The following MYO6 variants were observed in gnomAD, a reference collection of about 807,000 sequenced individuals.
MYO6 encodes myosin VI.
A neutral mutation model predicts 178.7 loss-of-function variants in MYO6; 74 were observed. The observed-to-expected ratio is 0.41, with a 90% CI of 0.34 to 0.50. MYO6 has a LOEUF of 0.50. Among genes scored for constraint, MYO6 ranks in the 20% least tolerant of loss-of-function variants. The probability of loss-of-function intolerance (pLI) is 0.09; values close to 1 mark genes in which losing one functional copy is unlikely to be tolerated. For missense variants in MYO6, 1,330 were observed against 1,547.4 expected (o/e 0.86, Z 2.36); for synonymous variants, 477 against 504.6 (o/e 0.95, Z 0.73).
intron 1 of MYO6, among the ~76,000 whole-genome samples, chr6:75,810,548 G>T (rs1770597624): frequency 6.6e-6 from 1 of 152,180 alleles, no homozygotes; most frequent in African/African-American, 2.4e-5. Context: ...CTCCCTTCCT[G>T]TCTTGGCTGG....
intron 1 of MYO6, among the ~76,000 whole-genome samples, chr6:75,760,419 C>G (rs1777840994): frequency 6.6e-6 from 1 of 152,070 alleles, no homozygotes; most frequent in African/African-American, 2.4e-5. Context: ...TATTTTCTTT[C>G]TTCTCTTGAG....
chr6:75,879,484 T>C lies in MYO6; in HGVS notation c.2078-336T>C, dbSNP rs1034819536. Among the ~76,000 whole-genome samples the C allele has an allele frequency of 4.0e-5, 6 of 150,648 alleles. No individual in the cohort carries two copies. In the East Asian group the frequency reaches 1.2e-3, roughly 29 times the overall value. On this transcript the variant is annotated intron_variant, in intron 20 of 34. Coordinates refer to ENST00000369977, the MANE Select transcript of MYO6 (RefSeq NM_004999.4). The stretch of plus-strand genomic sequence containing the variant: ...GTTGCCCAGGCTGGTCTTGAACTCC[T>C]AGGCTCAAGCAGTTTGCCTGGCGTG...
chr6:75,809,334 G>T (rs1258227646), intron 1 of MYO6, among the ~76,000 whole-genome samples: 2 of 152,192 alleles, frequency 1.3e-5, no homozygotes, highest in African/African-American at 4.8e-5. Flanking sequence ...TATTCATGGA[G>T]ACATCAAGGG....
intron 26 of MYO6, among the ~76,000 whole-genome samples, chr6:75,890,635 G>A (rs768917225): frequency 8.5e-5 from 13 of 152,146 alleles, no homozygotes; most frequent in South Asian, 2.1e-4. Flanking sequence ...GTGAGCCACC[G>A]TGCTCGGTTG....
At chr6:75,884,556 G>A (rs868545677) in intron 23 of MYO6, among the ~76,000 whole-genome samples, 4 of 152,194 alleles carry the variant, frequency 2.6e-5, no homozygotes, top group Non-Finnish European at 5.9e-5. Flanking sequence ...GATAGGAATT[G>A]CAGTAGAGAG....
intron 18 of MYO6, among the ~76,000 whole-genome samples, chr6:75,869,877 G>A (rs776659647): frequency 3.3e-5 from 5 of 152,110 alleles, no homozygotes; most frequent in Non-Finnish European, 7.4e-5. Flanking sequence ...ACTTTGGGAG[G>A]CTGAGGCGTG....
rs138723309 is a variant in MYO6, at chr6:75,913,689, G to A, written c.3440-374G>A. 9.9e-5 allele frequency among the ~76,000 whole-genome samples: 15 copies of A among 152,212 alleles called. 1 individual carries two copies. In the East Asian group the frequency reaches 2.7e-3, roughly 27 times the overall value. Reference sequence around the variant, plus strand: ...TGAATAAAAGTTACTGTACAAATTTGAACTCTTTACAGGAAGAATATAAAT... The same window carrying A: ...TGAATAAAAGTTACTGTACAAATTTAAACTCTTTACAGGAAGAATATAAAT... On this transcript the variant is annotated intron_variant, in intron 33 of 34. Transcript: ENST00000369977.
At chr6:75,898,145 A>G (rs1346072713) in intron 29 of MYO6, among the ~76,000 whole-genome samples, 1 of 152,224 alleles carries the variant, frequency 6.6e-6, no homozygotes, top group Non-Finnish European at 1.5e-5. Context: ...TACTGCAAAA[A>G]TGGAGAGACA....
At chr6:75,826,055 A>G (rs1772434471) in intron 3 of MYO6, among the ~76,000 whole-genome samples, 1 of 152,198 alleles carries the variant, frequency 6.6e-6, no homozygotes, top group Non-Finnish European at 1.5e-5. Context: ...TAATCCTAGG[A>G]CTGACTACTA....
In MYO6 at chr6:75,911,656, A is replaced by C; in HGVS notation, c.3413-16A>C. On this transcript the variant is annotated splice_polypyrimidine_tract_variant and intron_variant, in intron 32 of 34. Transcript: ENST00000369977. ...GCATTTTTATCTTTTCTTCAACATA[A>C]AATATTTGTTCACAGATTTTGCACC... 6.2e-7 allele frequency: 1 copy of C among 1,608,252 alleles called. No homozygotes were observed. Among genetic ancestry groups the C allele is most frequent in the Non-Finnish European group, 8.5e-7 (1 of 1,175,102 alleles).
intron 25 of MYO6, among the ~76,000 whole-genome samples, chr6:75,887,396 C>T (rs1778522061): frequency 6.6e-6 from 1 of 152,126 alleles, no homozygotes; most frequent in African/African-American, 2.4e-5. Context: ...GTAATCCCAG[C>T]ACTTTGGGAT....
At chr6:75,890,005 G>T (rs1223383093) in intron 25 of MYO6, 52 bp from the exon 26 acceptor site, 2 of 1,248,818 alleles carry the variant, frequency 1.6e-6, no homozygotes, top group Middle Eastern at 2.1e-4. Flanking sequence ...TCACATTGTT[G>T]TGCAACAGAA....
intron 7 of MYO6, among the ~76,000 whole-genome samples, 190 bp downstream of exon 7, chr6:75,836,146 A>C (rs80173195): frequency 6.6e-6 from 1 of 152,348 alleles, no homozygotes; most frequent in African/African-American, 2.4e-5. Context: ...TCATGAAAAC[A>C]CTAAGAAGGC....
chr6:75,858,684 T>G (rs1359551000), intron 13 of MYO6, among the ~76,000 whole-genome samples: 2 of 152,240 alleles, frequency 1.3e-5, no homozygotes, highest in Non-Finnish European at 2.9e-5. Flanking sequence ...GAGAAACACC[T>G]TATTTGTCAA....
chr6:75,843,068 A>G (rs1774395942), intron 9 of MYO6, among the ~76,000 whole-genome samples: 2 of 152,196 alleles, frequency 1.3e-5, no homozygotes. Context: ...TCTCATATGC[A>G]GGCACAACAC....
intron 1 of MYO6, among the ~76,000 whole-genome samples, chr6:75,750,346 C>T (rs1378239026): frequency 1.3e-5 from 2 of 152,012 alleles, no homozygotes; most frequent in East Asian, 1.9e-4. Context: ...CCATCCGCCT[C>T]GGTCTCCCAA....
At chr6:75,894,474 C>T (rs879842237) in intron 28 of MYO6, among the ~76,000 whole-genome samples, 3 of 152,168 alleles carry the variant, frequency 2.0e-5, no homozygotes, top group Non-Finnish European at 2.9e-5. Context: ...AGGAAGCTTT[C>T]CCTGACCCTC....
At chr6:75,904,601 G>C (rs1581977383) in intron 30 of MYO6, among the ~76,000 whole-genome samples, 1 of 152,086 alleles carries the variant, frequency 6.6e-6, no homozygotes, top group South Asian at 2.1e-4. Context: ...GCACTTCTCT[G>C]TATTGGTTAT....
intron 20 of MYO6, among the ~76,000 whole-genome samples, chr6:75,875,359 C>T (rs536615885): frequency 1.1e-4 from 17 of 152,306 alleles, no homozygotes; most frequent in South Asian, 1.0e-3. Flanking sequence ...ACTGCAGCCT[C>T]AACCTCCCAG....
Sources: allele counts gnomAD v4.1 joint callset (sites outside exome capture counted in the v4.1 genomes callset), GRCh38; gene constraint gnomAD v4.1.1; transcripts MANE v1.5; gene names NCBI Gene and HGNC (gene_info 2026-07-23, HGNC 2026-07-21).